The following PRKCQ variants were observed in gnomAD, a reference collection of about 807,000 sequenced individuals.
PRKCQ encodes the protein protein kinase C theta type.
A neutral mutation model predicts 91.2 loss-of-function variants in PRKCQ; 41 were observed. The observed-to-expected ratio is 0.45, with a 90% CI of 0.35 to 0.58. The LOEUF (loss-of-function observed/expected upper bound fraction) is 0.58. PRKCQ is among the 20% of genes least tolerant of loss of function. The pLI is 0.00. For synonymous variants in PRKCQ, 307 were observed against 316.9 expected (o/e 0.97, Z 0.33); for missense variants, 673 against 896.5 (o/e 0.75, Z 3.18).
chr10:6,487,051 T>C (rs1836968013), intron 8 of PRKCQ, among the ~76,000 whole-genome samples: 1 of 152,050 alleles, frequency 6.6e-6, no homozygotes, highest in African/African-American at 2.4e-5. Context: ...GCTTCACCAG[T>C]GTGGGCTTAG....
chr10:6,565,267 T>C (rs1840799944), intron 1 of PRKCQ, among the ~76,000 whole-genome samples: 1 of 152,350 alleles, frequency 6.6e-6, no homozygotes, highest in Non-Finnish European at 1.5e-5. Context: ...GTCTATTTTT[T>C]CCATGAGAAA....
chr10:6,470,321 G>C (rs1356749799), intron 12 of PRKCQ, among the ~76,000 whole-genome samples: 1 of 152,120 alleles, frequency 6.6e-6, no homozygotes, highest in Non-Finnish European at 1.5e-5. Context: ...TTGTAAAAGA[G>C]GGCTTTTCTG....
At chr10:6,431,022 A>AC in intron 16 of PRKCQ, 84 bp from the exon 17 acceptor site, 1 of 1,499,714 alleles carries the variant, frequency 6.7e-7, no homozygotes, top group Non-Finnish European at 8.9e-7. Flanking sequence ...CTGGTGCACC[A>AC]GCCCCTTCTT....
At chr10:6,578,259 C>T (rs971833829) in intron 1 of PRKCQ, among the ~76,000 whole-genome samples, 11 of 152,172 alleles carry the variant, frequency 7.2e-5, no homozygotes, top group African/African-American at 1.2e-4. Context: ...TGAGCGAAGA[C>T]GCAATGAGGA....
At chr10:6,488,645 A>C (rs560377357) in intron 8 of PRKCQ, among the ~76,000 whole-genome samples, 1 of 152,272 alleles carries the variant, frequency 6.6e-6, no homozygotes, top group African/African-American at 2.4e-5. Context: ...CGGTCTCCTA[A>C]AGTGCTGAGA....
chr10:6,565,589 GAAAC>G (rs1358309154), intron 1 of PRKCQ, among the ~76,000 whole-genome samples: 2 of 152,090 alleles, frequency 1.3e-5, no homozygotes, highest in African/African-American at 2.4e-5. Context: ...ATTTTAAAAA[GAAAC>G]AAAAAGCCCT....
intron 1 of PRKCQ, among the ~76,000 whole-genome samples, chr10:6,574,663 A>T (rs1841162183): frequency 6.6e-6 from 1 of 152,238 alleles, no homozygotes; most frequent in Non-Finnish European, 1.5e-5. Flanking sequence ...GGAGAGAATG[A>T]CACTCCAAGA....
At chr10:6,404,404 C>G in the PRKCQ span, among the ~76,000 whole-genome samples, 1 of 150,526 alleles carries the variant, frequency 6.6e-6, no homozygotes, top group African/African-American at 2.4e-5. Flanking sequence ...TCTTTCTTTC[C>G]TTCTTTCTTT....
chr10:6,442,346 C>T (rs1834012524), intron 15 of PRKCQ, among the ~76,000 whole-genome samples: 4 of 152,160 alleles, frequency 2.6e-5, no homozygotes, highest in Admixed American at 1.3e-4. Context: ...TGAAACTATG[C>T]CATTAGTTTT....
chr10:6,454,472 G>T (rs1181329690), intron 15 of PRKCQ, among the ~76,000 whole-genome samples: 1 of 152,120 alleles, frequency 6.6e-6, no homozygotes, highest in Non-Finnish European at 1.5e-5. Flanking sequence ...ACAAGTTTAG[G>T]GCAGTGAATG....
At chr10:6,517,351 TTC>T (rs1838805966) in intron 1 of PRKCQ, among the ~76,000 whole-genome samples, 1 of 152,036 alleles carries the variant, frequency 6.6e-6, no homozygotes, top group African/African-American at 2.4e-5. Flanking sequence ...GTTTTTTTTT[TTC>T]TTACATGCTA....
At chr10:6,505,034 C>T (rs914168211) in intron 4 of PRKCQ, among the ~76,000 whole-genome samples, 1 of 151,978 alleles carries the variant, frequency 6.6e-6, no homozygotes, top group African/African-American at 2.4e-5. Flanking sequence ...GCTGGGACTA[C>T]AGGCACACAC....
At chr10:6,533,157 G>A (rs1392340272) in intron 1 of PRKCQ, among the ~76,000 whole-genome samples, 2 of 152,056 alleles carry the variant, frequency 1.3e-5, no homozygotes, top group African/African-American at 4.8e-5. Context: ...GTCTACATTT[G>A]CATGTTATTA....
intron 4 of PRKCQ, among the ~76,000 whole-genome samples, chr10:6,498,775 G>T (rs1199980909): frequency 1.3e-5 from 2 of 152,204 alleles, no homozygotes; most frequent in Non-Finnish European, 2.9e-5. Flanking sequence ...ATTGTTAGAG[G>T]GTGAAAACAA....
chr10:6,502,493 T>A (rs1293339724), intron 4 of PRKCQ, among the ~76,000 whole-genome samples: 3 of 152,164 alleles, frequency 2.0e-5, no homozygotes, highest in Non-Finnish European at 4.4e-5. Context: ...GCAGAAACGA[T>A]CAGCAGTCAC....
intron 15 of PRKCQ, among the ~76,000 whole-genome samples, chr10:6,455,686 A>C (rs1834965200): frequency 6.6e-6 from 1 of 152,148 alleles, no homozygotes; most frequent in African/African-American, 2.4e-5. Flanking sequence ...AGATCACACA[A>C]ATCTACCCAT....
At chr10:6,415,017 C>T in the PRKCQ span, among the ~76,000 whole-genome samples, 2 of 151,810 alleles carry the variant, frequency 1.3e-5, no homozygotes, top group East Asian at 1.9e-4. Flanking sequence ...GGCTGGAGTG[C>T]GGTGGTGCAA....
At chr10:6,503,158 T>C (rs564405783) in intron 4 of PRKCQ, among the ~76,000 whole-genome samples, 1 of 152,148 alleles carries the variant, frequency 6.6e-6, no homozygotes, top group South Asian at 2.1e-4. Flanking sequence ...CTAGGTAGAG[T>C]TAATGCCAGA....
chr10:6,495,544 C>CCTTGTT (rs1371841655), intron 7 of PRKCQ, among the ~76,000 whole-genome samples: 4 of 152,244 alleles, frequency 2.6e-5, no homozygotes, highest in Non-Finnish European at 5.9e-5. Context: ...TGCTTACTCT[C>CCTTGTT]CACCTTGCAC....
Sources: allele counts gnomAD v4.1 joint callset (sites outside exome capture counted in the v4.1 genomes callset), GRCh38; gene constraint gnomAD v4.1.1; transcripts MANE v1.5; gene names NCBI Gene and HGNC (gene_info 2026-07-23, HGNC 2026-07-21).